Variants in CDH4 observed in about 807,000 individuals in gnomAD.
The protein encoded by CDH4 is cadherin-4.
Under a neutral mutation model 86.0 loss-of-function variants are expected in CDH4, and 33 were observed. The observed-to-expected ratio is 0.38, with a 90% CI of 0.29 to 0.51. The LOEUF is 0.51. Among genes scored for constraint, CDH4 ranks in the 20% least tolerant of loss-of-function variants. The pLI is 0.86. For missense variants in CDH4, 1,114 were observed against 1,307.4 expected, an observed-to-expected ratio of 0.85 and a Z score of 2.28; for synonymous variants, 555 against 549.4, an observed-to-expected ratio of 1.01 and a Z score of -0.14.
intron 2 of CDH4, among the ~76,000 whole-genome samples, chr20:61,456,164 T>G (rs2085405942): frequency 6.6e-6 from 1 of 152,096 alleles, no homozygotes; most frequent in South Asian, 2.1e-4. Context: ...GGAGGACTGA[T>G]GGCTCTTAAA....
chr20:61,288,101 A>C (rs1397368376), intron 2 of CDH4, among the ~76,000 whole-genome samples: 1 of 152,178 alleles, frequency 6.6e-6, no homozygotes, highest in Admixed American at 6.5e-5. Flanking sequence ...TGGTGAAAGA[A>C]GGCTCTGGTC....
At chr20:61,680,440 G>A (rs550669115) in intron 2 of CDH4, among the ~76,000 whole-genome samples, 1 of 152,356 alleles carries the variant, frequency 6.6e-6, no homozygotes, top group African/African-American at 2.4e-5. Flanking sequence ...AAATGTGATG[G>A]GAGGCTGTGG....
intron 2 of CDH4, among the ~76,000 whole-genome samples, chr20:61,441,280 G>A (rs1021510598): frequency 6.6e-6 from 1 of 152,208 alleles, no homozygotes; most frequent in South Asian, 2.1e-4. Flanking sequence ...GGTTTCAGAA[G>A]GAAAGGAAGC....
rs73915247 is a variant in CDH4 at position 61,267,952 on chromosome 20, G to A, written c.169+13015G>A. On this transcript the variant is annotated intron_variant, in intron 2 of 15. Transcript: ENST00000614565. The stretch of plus-strand genomic sequence containing the variant: ...GGGTTCGCACACAGCTCAGGAAAGC[G>A]GCTGCTGAGTCTGGCTTCAGGGCAG... 5.4e-3 allele frequency among the ~76,000 whole-genome samples: 823 copies of A among 152,332 alleles called. 7 individuals are homozygous for A. The highest frequency in any genetic ancestry group is 0.018 in the African/African-American group (767 of 41,576).
At chr20:61,870,869 C>T (rs1297160670) in intron 6 of CDH4, among the ~76,000 whole-genome samples, 1 of 152,220 alleles carries the variant, frequency 6.6e-6, no homozygotes, top group African/African-American at 2.4e-5. Flanking sequence ...TGGTCAGACC[C>T]ACCATCTGCT....
chr20:61,629,450 AG>A (rs2086863807), intron 2 of CDH4, among the ~76,000 whole-genome samples: 1 of 152,186 alleles, frequency 6.6e-6, no homozygotes, highest in Non-Finnish European at 1.5e-5. Context: ...AAATTCCCCA[AG>A]GCAAAAATGA....
chr20:61,518,465 C>T lies in CDH4; in HGVS notation c.170-225098C>T, dbSNP rs980440565. On this transcript the variant is annotated intron_variant, in intron 2 of 15. Transcript: ENST00000614565. This position sits in a 1 kb window ranked among gnomAD's most constrained non-coding sequence, Gnocchi z 6.3. ...CATCCATCATCCGTCATCCACCCAT[C>T]GTCCATCCATCCATCCTTCCATCAT... Among the ~76,000 whole-genome samples, 5 of 151,322 alleles carry T rather than the reference C, an allele frequency of 3.3e-5. No individual in the cohort carries two copies. The highest frequency in any genetic ancestry group is 2.1e-4 in the South Asian group (1 of 4,808).
chr20:61,850,801 G>C (rs1206610366), intron 5 of CDH4, among the ~76,000 whole-genome samples: 1 of 152,236 alleles, frequency 6.6e-6, no homozygotes, highest in Non-Finnish European at 1.5e-5. Context: ...CCCAGCCTGA[G>C]AGATGGGCAG....
chr20:61,830,535 G>A (rs1016550773), intron 4 of CDH4, among the ~76,000 whole-genome samples: 5 of 152,170 alleles, frequency 3.3e-5, no homozygotes, highest in Non-Finnish European at 7.3e-5. Flanking sequence ...CTGGTGAGGT[G>A]GGGCTGGGCT....
chr20:61,652,930 A>ATTTTTTTTTTTTTTTTTTTTTTTT (rs1200927520), intron 2 of CDH4, among the ~76,000 whole-genome samples: 1 of 108,028 alleles, frequency 9.3e-6, no homozygotes, highest in East Asian at 2.2e-4. Flanking sequence ...TTATTTATTT[A>ATTTTTTTTTTTTTTTTTTTTTTTT]TTTATTTATT....
intron 8 of CDH4, among the ~76,000 whole-genome samples, chr20:61,904,149 G>A (rs113520405): frequency 0.021 from 3,230 of 152,264 alleles, 108 homozygotes; most frequent in African/African-American, 0.072. Context: ...CACCCACACC[G>A]AGCTGGCGGG....
intron 2 of CDH4, among the ~76,000 whole-genome samples, chr20:61,536,639 ATAACTT>A (rs1438745376): frequency 6.6e-6 from 1 of 152,212 alleles, no homozygotes; most frequent in African/African-American, 2.4e-5. Context: ...AAATAAAAGA[ATAACTT>A]TAATTAGCGT....
intron 2 of CDH4, among the ~76,000 whole-genome samples, chr20:61,361,773 G>A (rs1415949468): frequency 1.3e-5 from 2 of 152,176 alleles, no homozygotes; most frequent in Non-Finnish European, 2.9e-5. Context: ...GTCTGTGCTC[G>A]GGCATAGGGA....
intron 2 of CDH4, among the ~76,000 whole-genome samples, chr20:61,628,090 G>A (rs1215939385): frequency 1.3e-5 from 2 of 152,142 alleles, no homozygotes; most frequent in Admixed American, 6.5e-5. Flanking sequence ...ACCCTGAGGA[G>A]GCTGGGTTTC....
chr20:61,682,452 G>A (rs1199864740), intron 2 of CDH4, among the ~76,000 whole-genome samples: 2 of 149,296 alleles, frequency 1.3e-5, no homozygotes, highest in African/African-American at 4.9e-5. Flanking sequence ...GGGAGAAGGG[G>A]AGGGAGGGAG....
intron 2 of CDH4, chr20:61,570,255 T>C: frequency 5.3e-6 from 1 of 188,142 alleles, no homozygotes; most frequent in Non-Finnish European, 1.1e-5. Context: ...AAGCTGTTTG[T>C]ATGCACCTGT....
chr20:61,817,677 G>A lies in CDH4; in HGVS notation c.577-26991G>A, dbSNP rs182612633. Among the ~76,000 whole-genome samples, 772 of 152,272 alleles carry A rather than the reference G, an allele frequency of 5.1e-3. 1 individual carries two copies. Among genetic ancestry groups the A allele is most frequent in the Non-Finnish European group, 9.0e-3 (612 of 68,030 alleles). On this transcript the variant is annotated intron_variant, in intron 4 of 15. Coordinates refer to ENST00000614565, the MANE Select transcript of CDH4 (RefSeq NM_001794.5). The stretch of plus-strand genomic sequence containing the variant: ...CACAGGTGTCTGCGCGTTCATCTCT[G>A]AATCCACGGCTAGCTATGCCGGGGC...
At chr20:61,711,820 C>T (rs1010706894) in intron 2 of CDH4, among the ~76,000 whole-genome samples, 6 of 152,028 alleles carry the variant, frequency 3.9e-5, no homozygotes, top group South Asian at 2.1e-4. Context: ...AGGGTGAGGA[C>T]GGGTGGTGGA....
intron 2 of CDH4, among the ~76,000 whole-genome samples, chr20:61,593,039 G>A (rs907222643): frequency 1.3e-5 from 2 of 152,186 alleles, no homozygotes; most frequent in Non-Finnish European, 2.9e-5. Flanking sequence ...AGAAGTGGCA[G>A]TGGAAACAGA....
Sources: allele counts gnomAD v4.1 joint callset (sites outside exome capture counted in the v4.1 genomes callset), GRCh38; gene constraint gnomAD v4.1.1; non-coding constraint Gnocchi (gnomAD v3.1); transcripts MANE v1.5; gene names NCBI Gene and HGNC (gene_info 2026-07-23, HGNC 2026-07-21).